Variants in APOD observed in about 807,000 individuals in gnomAD.
APOD encodes apo-D.
APOD carries 22 observed loss-of-function variants against 20.4 expected under a neutral mutation model. That is an observed-to-expected ratio of 1.08 (90% CI 0.77 to 1.54). The LOEUF is 1.54. Among genes scored for constraint, APOD ranks in the 40% most tolerant of loss-of-function variants. APOD has a pLI of 0.00. For synonymous variants in APOD, 97 were observed against 92.4 expected (o/e 1.05, Z -0.29); for missense variants, 223 against 229.6 (o/e 0.97, Z 0.19).
In APOD at chr3:195,568,895, C is replaced by A. The variant is rs746682027; in HGVS notation, c.*5G>T. The A allele has an allele frequency of 6.2e-7, 1 of 1,609,496 alleles. No homozygotes were observed. Among genetic ancestry groups the A allele is most frequent in the Non-Finnish European group, 8.5e-7 (1 of 1,176,174 alleles). On this transcript the variant is annotated 3_prime_UTR_variant, in exon 5 of 5. Coordinates refer to ENST00000343267, the MANE Select transcript of APOD (RefSeq NM_001647.4). Reference sequence around the variant, plus strand: ...GAGTGGGTGCAGCCTCCCTGTAGAACCTGGTTACGAGAGCTTGGGGCAGTT... The same window carrying A: ...GAGTGGGTGCAGCCTCCCTGTAGAAACTGGTTACGAGAGCTTGGGGCAGTT...
chr3:195,570,119 A>G (rs968042835), intron 4 of APOD, among the ~76,000 whole-genome samples: 2 of 152,044 alleles, frequency 1.3e-5, no homozygotes, highest in African/African-American at 4.8e-5. Flanking sequence ...ATAATCCTAC[A>G]AGGCCTAACG....
At chr3:195,574,520 G>T (rs548520298) in intron 2 of APOD, among the ~76,000 whole-genome samples, 1 of 152,350 alleles carries the variant, frequency 6.6e-6, no homozygotes, top group East Asian at 1.9e-4. Context: ...ACTGTGTGGG[G>T]AAGGTCGAGG....
rs142189206 is a variant in APOD, at chr3:195,568,837, G to GGTGGT, written c.*62_*63insACCAC. The GGTGGT allele has an allele frequency of 1.0e-5, 10 of 975,810 alleles. No individual in the cohort carries two copies. The highest frequency in any genetic ancestry group is 2.6e-5 in the East Asian group (1 of 38,236). The allele number at this position is 975,810 out of a possible 1,614,324, so 60.4% of individuals were successfully genotyped here. A position where few individuals can be genotyped will look rare whatever the true frequency, so the allele number is the denominator to read the frequency against. On this transcript the variant is annotated 3_prime_UTR_variant, in exon 5 of 5. Coordinates refer to ENST00000343267, the MANE Select transcript of APOD (RefSeq NM_001647.4). Reference sequence around the variant, plus strand: ...GTTGATTGGTTTGTCTTTATGGGGGGGGGGTAGGGGAAAGCGAAGCAGAAG... The same window carrying GGTGGT: ...GTTGATTGGTTTGTCTTTATGGGGGGGTGGTGGGGTAGGGGAAAGCGAAGCAGAAG...
intron 2 of APOD, among the ~76,000 whole-genome samples, chr3:195,578,281 A>G (rs1720278962): frequency 6.6e-6 from 1 of 152,168 alleles, no homozygotes; most frequent in Non-Finnish European, 1.5e-5. Flanking sequence ...GGAGCAAGTC[A>G]GTGTAGACGT....
chr3:195,572,687 A>G (rs112518929), intron 3 of APOD, among the ~76,000 whole-genome samples: 1 of 152,152 alleles, frequency 6.6e-6, no homozygotes, highest in South Asian at 2.1e-4. Context: ...AGGGAGGCCA[A>G]CTGAAATTAG....
chr3:195,569,236 C>T, intron 4 of APOD, 101 bp from the exon 5 acceptor site: 1 of 955,800 alleles, frequency 1.0e-6, no homozygotes, highest in South Asian at 1.5e-5. Flanking sequence ...CCAAGCCCCC[C>T]ACCTCTGATT....
intron 3 of APOD, 56 bp from the exon 4 acceptor site, chr3:195,571,421 A>T (rs529336202): frequency 1.3e-6 from 2 of 1,507,556 alleles, no homozygotes; most frequent in Admixed American, 3.7e-5. Context: ...AAAGAAAAAC[A>T]ACTCATTGAA....
At chr3:195,583,301 C>T (rs921508575) in intron 1 of APOD, 2 of 152,330 alleles carry the variant, frequency 1.3e-5, no homozygotes, top group East Asian at 3.9e-4. Context: ...GACACAGCCC[C>T]TGACCTCAAA....
chr3:195,575,801 T>C, intron 2 of APOD, among the ~76,000 whole-genome samples: 1 of 152,084 alleles, frequency 6.6e-6, no homozygotes, highest in East Asian at 1.9e-4. Context: ...CTAATTTTTG[T>C]ATTTTTACTG....
chr3:195,581,238 C>A (rs1413867174), intron 1 of APOD, among the ~76,000 whole-genome samples: 7 of 152,116 alleles, frequency 4.6e-5, no homozygotes, highest in African/African-American at 1.7e-4. Context: ...GTTGCTGAGG[C>A]CCCTTTGAGC....
intron 2 of APOD, among the ~76,000 whole-genome samples, chr3:195,576,142 G>A (rs1720244573): frequency 6.6e-6 from 1 of 152,132 alleles, no homozygotes; most frequent in African/African-American, 2.4e-5. Flanking sequence ...CAAAGAATAA[G>A]GTTAGAGGTT....
chr3:195,579,227 A>C, intron 2 of APOD, 112 bp downstream of exon 2: 1 of 1,498,384 alleles, frequency 6.7e-7, no homozygotes, highest in South Asian at 1.3e-5. Context: ...AATAAGATAA[A>C]TACTTGTCCC....
chr3:195,569,794 T>TG (rs1720127871), intron 4 of APOD, among the ~76,000 whole-genome samples: 1 of 124,950 alleles, frequency 8.0e-6, no homozygotes, highest in African/African-American at 3.1e-5. Flanking sequence ...TCGTTTTTTT[T>TG]TTTTTTTTTT....
chr3:195,583,190 A>T (rs1421269923), intron 1 of APOD: 1 of 152,180 alleles, frequency 6.6e-6, no homozygotes, highest in East Asian at 1.9e-4. Flanking sequence ...TGCCCGGGTT[A>T]CTTCCTGGTA....
At chr3:195,578,788 C>T (rs757548771) in intron 2 of APOD, among the ~76,000 whole-genome samples, 12 of 152,274 alleles carry the variant, frequency 7.9e-5, no homozygotes, top group Non-Finnish European at 1.2e-4. Flanking sequence ...GAGGGAGATT[C>T]CGATGCTGCA....
At chr3:195,577,017 T>C in intron 2 of APOD, 1 of 209,836 alleles carries the variant, frequency 4.8e-6, no homozygotes, top group Non-Finnish European at 9.9e-6. Flanking sequence ...AAACCCCGTC[T>C]TTACTAAAAT....
chr3:195,578,842 C>T (rs1478998119), intron 2 of APOD, among the ~76,000 whole-genome samples: 1 of 152,164 alleles, frequency 6.6e-6, no homozygotes, highest in South Asian at 2.1e-4. Context: ...TACTATGGTT[C>T]CCTGGTCCTG....
intron 4 of APOD, among the ~76,000 whole-genome samples, chr3:195,570,199 G>A (rs1383236322): frequency 6.6e-6 from 1 of 152,098 alleles, no homozygotes; most frequent in Non-Finnish European, 1.5e-5. Context: ...GATCCCTATG[G>A]GAAAAATACT....
At chr3:195,576,212 T>C (rs1458899985) in intron 2 of APOD, among the ~76,000 whole-genome samples, 1 of 152,242 alleles carries the variant, frequency 6.6e-6, no homozygotes, top group African/African-American at 2.4e-5. Context: ...TTCAAATCTG[T>C]TCTATTTCTG....
Sources: allele counts gnomAD v4.1 joint callset (sites outside exome capture counted in the v4.1 genomes callset), GRCh38; gene constraint gnomAD v4.1.1; transcripts MANE v1.5; gene names NCBI Gene and HGNC (gene_info 2026-07-23, HGNC 2026-07-21).